Variants in IFT88 observed in about 807,000 individuals in gnomAD.
The protein encoded by IFT88 is intraflagellar transport 88, also known as intraflagellar transport protein 88 homolog.
IFT88 carries 74 observed loss-of-function variants against 119.5 expected under a neutral mutation model. That is an observed-to-expected ratio of 0.62 (90% confidence interval 0.51 to 0.75). The LOEUF (loss-of-function observed/expected upper bound fraction) is 0.75. IFT88 is among the 30% of genes least tolerant of loss of function. The probability of loss-of-function intolerance (pLI) is 0.00; values close to 1 mark genes in which losing one functional copy is unlikely to be tolerated. For synonymous variants in IFT88, 279 were observed against 316.7 expected (o/e 0.88, Z 1.26); for missense variants, 961 against 977.7 (o/e 0.98, Z 0.23).
chr13:20,595,781 T>C (rs2041536469), intron 7 of IFT88, among the ~76,000 whole-genome samples: 1 of 152,088 alleles, frequency 6.6e-6, no homozygotes, highest in South Asian at 2.1e-4. Flanking sequence ...GGCTCACACC[T>C]GTAATCCCAG....
chr13:20,626,039 G>GTTTC (rs1566249738), intron 15 of IFT88, among the ~76,000 whole-genome samples, 190 bp downstream of exon 15: 2,859 of 62,400 alleles, frequency 0.046, 50 homozygotes, highest in African/African-American at 0.056. Flanking sequence ...CCTGTTTGTC[G>GTTTC]TTTCTTTTTT....
intron 13 of IFT88, among the ~76,000 whole-genome samples, chr13:20,615,300 A>G (rs1259617759): frequency 6.6e-6 from 1 of 152,224 alleles, no homozygotes; most frequent in African/African-American, 2.4e-5. Flanking sequence ...GAAATTTTCC[A>G]GTAACCTTGA....
Position 20,601,788 on chromosome 13 carries a change from T to C in IFT88, c.896T>C (p.Met299Thr), listed in dbSNP as rs761898923. 4 of 1,613,552 alleles carry C rather than the reference T, an allele frequency of 2.5e-6. No individual in the cohort carries two copies. In the South Asian group the frequency reaches 4.4e-5, roughly 18 times the overall value. ...GCTATTAATTCATATGAGCACATAA[T>C]GAGCATGGCACCAAATCTGAAGGCA... ...SDAINSYEHI[M>T]SMAPNLKAGY... is the part of the protein sequence containing the mutation. The change falls in exon 12 of 26, where the codon ATG becomes ACG. Residue 299 changes from methionine to threonine, a missense_variant. Transcript: ENST00000351808.
intron 13 of IFT88, among the ~76,000 whole-genome samples, chr13:20,609,765 AAAAAAAC>A (rs146268381): frequency 0.23 from 34,322 of 151,746 alleles, 4,637 homozygotes; most frequent in African/African-American, 0.36. Flanking sequence ...AACAAACAGA[AAAAAAAC>A]AAAAAACAAA....
chr13:20,667,016 T>C (rs1029455325), intron 23 of IFT88, among the ~76,000 whole-genome samples: 18 of 152,208 alleles, frequency 1.2e-4, no homozygotes, highest in Non-Finnish European at 2.4e-4. Context: ...CAGAATAACA[T>C]GGACCACTTC....
chr13:20,638,034 G>A (rs1418948886), intron 16 of IFT88, among the ~76,000 whole-genome samples: 1 of 152,192 alleles, frequency 6.6e-6, no homozygotes, highest in Non-Finnish European at 1.5e-5. Context: ...GGGAGGGGGA[G>A]TGCTGCAGCA....
Position 20,574,471 on chromosome 13 carries a change from T to C in IFT88, c.86T>C (p.Ile29Thr), listed in dbSNP as rs201009750. 1.5e-4 allele frequency: 242 copies of C among 1,576,908 alleles called. 1 individual carries two copies. In the Admixed American group the frequency reaches 2.2e-3, roughly 14 times the overall value. The part of the protein sequence containing the change: ...GYNDYNPIYD[I>T]EELENDAAFQ... ...AATGACTACAATCCAATCTATGATA[T>C]CGAGGTAACAAAAGCTAGTTGTTTT... Residue 29 changes from isoleucine (I) to threonine (T), a missense_variant, in exon 2 of 26, where the codon ATC becomes ACC. Ile to Thr is a moderately conservative substitution (Grantham distance 89). Coordinates refer to ENST00000351808, the MANE Select transcript of IFT88 (RefSeq NM_006531.5).
chr13:20,598,983 G>C (rs1389380372), intron 10 of IFT88, among the ~76,000 whole-genome samples: 3 of 152,000 alleles, frequency 2.0e-5, no homozygotes, highest in Non-Finnish European at 2.9e-5. Context: ...ATCACAAGTA[G>C]AATGAGCCAT....
In IFT88 at chr13:20,644,853, A is replaced by G; in HGVS notation, c.1844A>G (p.Tyr615Cys). Residue 615 changes from tyrosine to cysteine, a missense_variant, in exon 20 of 26, where the codon TAT becomes TGT. Physicochemically the swap from Tyr to Cys is radical, Grantham distance 194. Transcript: ENST00000351808. ...ATATTTGTTTTACAGTCATATAGGT[A>G]TTTTCCTTGTAATATTGAAGTCATT... ...AFQYYYESYR[Y>C]FPCNIEVIEW... 1.3e-6 allele frequency: 2 copies of G among 1,525,666 alleles called. No individual in the cohort carries two copies. Among genetic ancestry groups the G allele is most frequent in the South Asian group, 1.2e-5 (1 of 86,104 alleles). The allele number at this position is 1,525,666 out of a possible 1,614,324, so 94.5% of individuals were successfully genotyped here.
chr13:20,608,844 G>C (rs2043972220), intron 13 of IFT88, among the ~76,000 whole-genome samples: 1 of 152,232 alleles, frequency 6.6e-6, no homozygotes, highest in Non-Finnish European at 1.5e-5. Context: ...CTGCATGTCA[G>C]AGTTGGCATC....
chr13:20,623,367 G>A (rs1291771844), intron 14 of IFT88, among the ~76,000 whole-genome samples: 1 of 152,164 alleles, frequency 6.6e-6, no homozygotes, highest in African/African-American at 2.4e-5. Flanking sequence ...TGGACATTTT[G>A]GTAGAGATTG....
intron 3 of IFT88, among the ~76,000 whole-genome samples, chr13:20,588,146 A>G (rs2040048912): frequency 6.6e-6 from 1 of 151,760 alleles, no homozygotes; most frequent in African/African-American, 2.4e-5. Context: ...CCTAAATATT[A>G]TGATACTCAT....
chr13:20,621,119 G>A (rs571974923), intron 14 of IFT88, among the ~76,000 whole-genome samples: 10 of 152,196 alleles, frequency 6.6e-5, no homozygotes, highest in Admixed American at 6.5e-4. Context: ...AGGCTGGAGT[G>A]CAGTGGCGCA....
chr13:20,639,700 C>T (rs1253292144), intron 17 of IFT88, among the ~76,000 whole-genome samples: 2 of 151,242 alleles, frequency 1.3e-5, no homozygotes, highest in Non-Finnish European at 2.9e-5. Flanking sequence ...TTAAATATTT[C>T]TCCTTTCCCA....
chr13:20,638,891 A>G (rs1156329011), intron 17 of IFT88, among the ~76,000 whole-genome samples: 1 of 152,216 alleles, frequency 6.6e-6, no homozygotes, highest in Non-Finnish European at 1.5e-5. Flanking sequence ...ACAATTTCAA[A>G]CATGCACAAA....
rs76641731 is a variant in IFT88, at chr13:20,592,126, A to G, written c.329-209A>G. On this transcript the variant is annotated intron_variant, in intron 6 of 25. Transcript: ENST00000351808. ...TAAGTTTAACACACGTATTATTTACATAGCTTTATGTGTGTTAAAAATCTT... is the reference window on the plus strand; with the variant it reads ...TAAGTTTAACACACGTATTATTTACGTAGCTTTATGTGTGTTAAAAATCTT... Among the ~76,000 whole-genome samples, 521 of 152,340 alleles carry G rather than the reference A, an allele frequency of 3.4e-3. 4 individuals are homozygous for G. Among genetic ancestry groups the G allele is most frequent in the African/African-American group, 0.012 (498 of 41,582 alleles).
chr13:20,633,500 C>T (rs539199916), intron 16 of IFT88, among the ~76,000 whole-genome samples: 81 of 152,292 alleles, frequency 5.3e-4, no homozygotes, highest in African/African-American at 1.6e-3. Context: ...GCACCTCTGA[C>T]GGGCAAGTCC....
At chr13:20,647,818 G>A (rs1048442678) in intron 20 of IFT88, among the ~76,000 whole-genome samples, 1 of 152,106 alleles carries the variant, frequency 6.6e-6, no homozygotes, top group Non-Finnish European at 1.5e-5. Context: ...CCAAATTTGA[G>A]GAAAGACATG....
At chr13:20,664,227 C>A (rs190050750) in intron 23 of IFT88, among the ~76,000 whole-genome samples, 138 of 152,310 alleles carry the variant, frequency 9.1e-4, no homozygotes, top group African/African-American at 3.2e-3. Flanking sequence ...AGGGTAATTT[C>A]TCTTGCTGAT....
Sources: allele counts gnomAD v4.1 joint callset (sites outside exome capture counted in the v4.1 genomes callset), GRCh38; gene constraint gnomAD v4.1.1; transcripts MANE v1.5; gene names NCBI Gene and HGNC (gene_info 2026-07-23, HGNC 2026-07-21).